The following CNTNAP4 variants were observed in gnomAD, a reference collection of about 807,000 sequenced individuals.
The protein encoded by CNTNAP4 is contactin-associated protein-like 4.
A neutral mutation model predicts 148.4 loss-of-function variants in CNTNAP4; 98 were observed. That is an observed-to-expected ratio of 0.66 (90% CI 0.56 to 0.78). The LOEUF (loss-of-function observed/expected upper bound fraction) is 0.78. Among genes scored for constraint, CNTNAP4 ranks in the 30% least tolerant of loss-of-function variants. The pLI is 0.00. For missense variants in CNTNAP4, 1,935 were observed against 1,565.6 expected (o/e 1.24, Z -3.98); for synonymous variants, 730 against 565.1 (o/e 1.29, Z -4.14).
intron 21 of CNTNAP4, among the ~76,000 whole-genome samples, chr16:76,546,801 A>C (rs2084756663): frequency 6.6e-6 from 1 of 152,168 alleles, no homozygotes; most frequent in Non-Finnish European, 1.5e-5. Context: ...CAGAGCAGAG[A>C]AATTTGAATG....
intron 1 of CNTNAP4, among the ~76,000 whole-genome samples, chr16:76,293,631 G>A (rs1425376095): frequency 6.6e-6 from 1 of 152,060 alleles, no homozygotes; most frequent in East Asian, 1.9e-4. Flanking sequence ...TTGAGTGACT[G>A]CACTTAAGGG....
rs1328938055 is a variant in CNTNAP4, at chr16:76,462,025, C to G, written c.1403C>G (p.Ala468Gly). The G allele has an allele frequency of 6.2e-7, 1 of 1,613,622 alleles. No individual in the cohort carries two copies. The highest frequency in any genetic ancestry group is 2.2e-5 in the East Asian group (1 of 44,858). Reference protein sequence around the residue: ...LSAKKNHLSVAVDGQMASAAP... With the variant: ...LSAKKNHLSVGVDGQMASAAP... ...GCTAAAAAGAATCACTTGAGTGTGG[C>G]GGTGGACGGCCAGATGGCTTCTGCT... Residue 468 changes from alanine to glycine, a missense_variant, in exon 9 of 24, where the codon GCG becomes GGG. Physicochemically the swap from Ala to Gly is moderately conservative, Grantham distance 60 (BLOSUM62 0). Transcript: ENST00000611870.
rs528840805 is a variant in CNTNAP4, at chr16:76,423,561, C to G, written c.391-3891C>G. On this transcript the variant is annotated intron_variant, in intron 3 of 23. Transcript: ENST00000611870. ...ATTCCTTTGTGAATTGTTATGGCAA[C>G]AATTCTTCATAGCAAATTGAGGAAA... Among the ~76,000 whole-genome samples, 383 of 152,204 alleles carry G rather than the reference C, an allele frequency of 2.5e-3. 4 individuals are homozygous for G. The highest frequency in any genetic ancestry group is 8.9e-3 in the African/African-American group (370 of 41,550).
At chr16:76,482,234 T>C (rs1018789081) in intron 12 of CNTNAP4, among the ~76,000 whole-genome samples, 3 of 152,060 alleles carry the variant, frequency 2.0e-5, no homozygotes, top group South Asian at 2.1e-4. Context: ...CCAGGACTGA[T>C]TGTACAAGAT....
rs1251982591 is a variant in CNTNAP4, at chr16:76,498,465, C to A, written c.2238-102C>A. ...GCTCCGATGAGTGACTGGATCCATA[C>A]TCTTTTGTAGGTGCAAATTTAGTTC... On this transcript the variant is annotated intron_variant, in intron 14 of 23. Coordinates refer to ENST00000611870, the MANE Select transcript of CNTNAP4 (RefSeq NM_033401.5). The A allele has an allele frequency of 5.8e-6, 5 of 855,136 alleles. No homozygotes were observed. The East Asian group carries it at 1.0e-4, about 18-fold the overall frequency. The allele number at this position is 855,136 out of a possible 1,614,324, so 53.0% of individuals were successfully genotyped here. A position where few individuals can be genotyped will look rare whatever the true frequency, so the allele number is the denominator to read the frequency against.
At chr16:76,366,893 T>TA (rs577885991) in intron 3 of CNTNAP4, among the ~76,000 whole-genome samples, 1 of 152,210 alleles carries the variant, frequency 6.6e-6, no homozygotes, top group East Asian at 1.9e-4. Flanking sequence ...TGCTTTTGAG[T>TA]AAAAGATAAT....
chr16:76,395,375 C>A (rs182457641), intron 3 of CNTNAP4, among the ~76,000 whole-genome samples: 1 of 151,594 alleles, frequency 6.6e-6, no homozygotes, highest in African/African-American at 2.4e-5. Flanking sequence ...AAGCAATTCT[C>A]CTGCCTCAGC....
intron 1 of CNTNAP4, among the ~76,000 whole-genome samples, chr16:76,302,735 C>T (rs1418477597): frequency 6.6e-6 from 1 of 152,138 alleles, no homozygotes; most frequent in African/African-American, 2.4e-5. Context: ...ATTCTGCCTG[C>T]ACTCGAGGGG....
At chr16:76,304,893 A>T (rs767720049) in intron 1 of CNTNAP4, among the ~76,000 whole-genome samples, 6 of 152,090 alleles carry the variant, frequency 3.9e-5, no homozygotes, top group Non-Finnish European at 7.4e-5. Context: ...AGACTTTTTT[A>T]CTCAATCTCA....
intron 3 of CNTNAP4, among the ~76,000 whole-genome samples, chr16:76,371,497 C>G (rs1305524012): frequency 6.6e-6 from 1 of 152,088 alleles, no homozygotes; most frequent in African/African-American, 2.4e-5. Context: ...GTTATCCAGT[C>G]TGGTCTCGAA....
intron 13 of CNTNAP4, among the ~76,000 whole-genome samples, chr16:76,492,808 T>G (rs1011464046): frequency 6.6e-6 from 1 of 152,186 alleles, no homozygotes; most frequent in Non-Finnish European, 1.5e-5. Context: ...CATGTGGAAC[T>G]ATGAGTCCAT....
intron 8 of CNTNAP4, among the ~76,000 whole-genome samples, chr16:76,455,955 C>A (rs1389021563): frequency 6.6e-6 from 1 of 152,148 alleles, no homozygotes; most frequent in Non-Finnish European, 1.5e-5. Context: ...TTTTCTCCTG[C>A]TGTATTTTGT....
At chr16:76,291,688 C>T (rs531390855) in intron 1 of CNTNAP4, among the ~76,000 whole-genome samples, 1 of 152,316 alleles carries the variant, frequency 6.6e-6, no homozygotes, top group East Asian at 1.9e-4. Context: ...TCCTGTGATA[C>T]ATTCTATGCT....
At chr16:76,291,537 A>T (rs180785228) in intron 1 of CNTNAP4, among the ~76,000 whole-genome samples, 89 of 152,200 alleles carry the variant, frequency 5.8e-4, no homozygotes, top group Middle Eastern at 6.8e-3. Flanking sequence ...TCTGTATGTT[A>T]CCCAGCTCCA....
In CNTNAP4 at chr16:76,338,422, G is replaced by T. The variant is rs976612912; in HGVS notation, c.197-16896G>T. ...CACTCCCTTCAGTCCAATTACTGCTGTGCTGAAAGATGTGCCTCACATTGG... is the reference window on the plus strand; with the variant it reads ...CACTCCCTTCAGTCCAATTACTGCTTTGCTGAAAGATGTGCCTCACATTGG... On this transcript the variant is annotated intron_variant, in intron 2 of 23. Coordinates refer to ENST00000611870, the MANE Select transcript of CNTNAP4 (RefSeq NM_033401.5). Among the ~76,000 whole-genome samples, 3 of 152,052 alleles carry T rather than the reference G, an allele frequency of 2.0e-5. No homozygotes were observed. In the East Asian group the frequency reaches 5.8e-4, roughly 29 times the overall value.
chr16:76,547,753 G>A (rs186335642), intron 21 of CNTNAP4, among the ~76,000 whole-genome samples: 52 of 152,246 alleles, frequency 3.4e-4, no homozygotes, highest in East Asian at 2.3e-3. Context: ...TTTGGAGTCC[G>A]CAGAGCTCAG....
intron 12 of CNTNAP4, among the ~76,000 whole-genome samples, chr16:76,481,146 A>T (rs532664039): frequency 1.3e-5 from 2 of 152,242 alleles, no homozygotes; most frequent in Admixed American, 1.3e-4. Flanking sequence ...AATGAAGGAA[A>T]GATGGTCTTT....
intron 8 of CNTNAP4, among the ~76,000 whole-genome samples, chr16:76,457,080 T>C (rs1401388826): frequency 3.9e-5 from 6 of 152,220 alleles, no homozygotes; most frequent in Admixed American, 2.0e-4. Flanking sequence ...ACTGGGTGCA[T>C]AGAATTTTCA....
At chr16:76,411,976 A>G (rs1274048837) in intron 3 of CNTNAP4, among the ~76,000 whole-genome samples, 1 of 151,388 alleles carries the variant, frequency 6.6e-6, no homozygotes, top group African/African-American at 2.4e-5. Flanking sequence ...CTTCCCACCA[A>G]ATAATCATGA....
Sources: gnomAD v4.1 joint callset for allele counts (sites outside exome capture counted in the v4.1 genomes callset) on GRCh38, gnomAD v4.1.1 for gene constraint, MANE v1.5 for transcripts, NCBI Gene and HGNC (gene_info 2026-07-23, HGNC 2026-07-21) for gene names.